The following NFIX variants were observed in gnomAD, a reference collection of about 807,000 sequenced individuals.
The protein encoded by NFIX is nuclear factor I X.
Under a neutral mutation model 53.3 loss-of-function variants are expected in NFIX, and 2 were observed. That is an observed-to-expected ratio of 0.04 (90% CI 0.02 to 0.12). The LOEUF is 0.12. Ranked by LOEUF, NFIX falls within the 10% of genes least tolerant of loss-of-function variation. The pLI is 1.00. For synonymous variants in NFIX, 244 were observed against 289.0 expected, an observed-to-expected ratio of 0.84 and a Z score of 1.58; for missense variants, 310 against 674.5, an observed-to-expected ratio of 0.46 and a Z score of 5.99.
In NFIX at chr19:13,072,728, C is replaced by T. The variant is rs892434320; in HGVS notation, c.560-319C>T. On this transcript the variant is annotated intron_variant, in intron 2 of 10. Coordinates refer to ENST00000592199, the MANE Select transcript of NFIX (RefSeq NM_001365902.3). The surrounding 1 kb of genome is among the most constrained non-coding windows in gnomAD (Gnocchi z 4.0). ...TTGGGTTGTCACAACTGGGGTGCTA[C>T]TGTCATCTAGTGGGTGGAGGCCAGG... Among the ~76,000 whole-genome samples, 4 of 152,240 alleles carry T rather than the reference C, an allele frequency of 2.6e-5. No individual in the cohort carries two copies. Among genetic ancestry groups the T allele is most frequent in the Non-Finnish European group, 5.9e-5 (4 of 68,038 alleles).
chr19:13,063,808 G>C (rs2016239483), intron 2 of NFIX, among the ~76,000 whole-genome samples: 1 of 152,124 alleles, frequency 6.6e-6, no homozygotes, highest in Non-Finnish European at 1.5e-5. Context: ...TCTCATACCA[G>C]GTTGGCATTA....
At chr19:13,085,294 G>A (rs376167584) in intron 8 of NFIX, among the ~76,000 whole-genome samples, 2 of 152,156 alleles carry the variant, frequency 1.3e-5, no homozygotes, top group Non-Finnish European at 2.9e-5. Flanking sequence ...CATATCAGGC[G>A]GGGATTAGCA....
Position 13,088,600 on chromosome 19 carries a change from C to G in NFIX, c.1402+464C>G, listed in dbSNP as rs2145506625. On this transcript the variant is annotated intron_variant, in intron 9 of 10. Coordinates refer to ENST00000592199, the MANE Select transcript of NFIX (RefSeq NM_001365902.3). The surrounding 1 kb of genome is among the most constrained non-coding windows in gnomAD (Gnocchi z 5.9). ...CACAAGGCGACGCCACCACCATCCC[C>G]TTTTTGCCTTGCCCCTCACCTCCAT... is the stretch of plus-strand genomic sequence containing the variant. Among the ~76,000 whole-genome samples the G allele has an allele frequency of 6.6e-6, 1 of 152,208 alleles. No homozygotes were observed. The highest frequency in any genetic ancestry group is 1.9e-4 in the East Asian group (1 of 5,184).
At chr19:13,000,774 C>T (rs747392342) in intron 1 of NFIX, among the ~76,000 whole-genome samples, 33 of 152,204 alleles carry the variant, frequency 2.2e-4, no homozygotes, top group Non-Finnish European at 1.5e-4. Context: ...CACCTGGACC[C>T]GCCATGGAGA....
At position 13,078,091 on chromosome 19, in the gene NFIX, C is replaced by T. The variant is rs2017218971; in HGVS notation, c.956-522C>T. ...CTGCTCTCTCGCTGGGCATTGTGTC[C>T]CTCCTGAGGGCTCATGGCTGTGTGC... On this transcript the variant is annotated intron_variant, in intron 6 of 10. Transcript: ENST00000592199. This position sits in a 1 kb window ranked among gnomAD's most constrained non-coding sequence, Gnocchi z 4.7. Among the ~76,000 whole-genome samples, 1 of 152,174 alleles carries T rather than the reference C, an allele frequency of 6.6e-6. No homozygotes were observed.
At position 13,049,659 on chromosome 19, in the gene NFIX, T is replaced by G. The variant is rs1350397756; in HGVS notation, c.560-23388T>G. The stretch of plus-strand genomic sequence containing the variant: ...CCCAGGCTGGAGTGCAGTGGCGCGA[T>G]CTCTGCTCACTGCAACCTCTGCCTC... On this transcript the variant is annotated intron_variant, in intron 2 of 10. Transcript: ENST00000592199. This position sits in a 1 kb window ranked among gnomAD's most constrained non-coding sequence, Gnocchi z 4.5. 6.6e-6 allele frequency among the ~76,000 whole-genome samples: 1 copy of G among 151,426 alleles called. No individual in the cohort carries two copies. The highest frequency in any genetic ancestry group is 1.5e-5 in the Non-Finnish European group (1 of 67,912).
Position 13,090,526 on chromosome 19 carries a change from C to T in NFIX, c.1494+136C>T. The stretch of plus-strand genomic sequence containing the variant: ...AGAGGTCTGAGGTGGGGCTGGAGGG[C>T]CCAGGCTTTTGCACGCCCAGCTGAG... On this transcript the variant is annotated intron_variant, in intron 10 of 10. Coordinates refer to ENST00000592199, the MANE Select transcript of NFIX (RefSeq NM_001365902.3). This position sits in a 1 kb window ranked among gnomAD's most constrained non-coding sequence, Gnocchi z 6.6. 2 of 860,776 alleles carry T rather than the reference C, an allele frequency of 2.3e-6. No individual in the cohort carries two copies. The highest frequency in any genetic ancestry group is 3.8e-6 in the Non-Finnish European group (2 of 525,976). 53.3% of individuals were successfully genotyped at this position (860,776 alleles called of 1,614,324 possible).
rs1355769394 is a variant in NFIX, at chr19:13,021,616, G to T, written c.28-3405G>T. On this transcript the variant is annotated intron_variant, in intron 1 of 10. Transcript: ENST00000592199. This position sits in a 1 kb window ranked among gnomAD's most constrained non-coding sequence, Gnocchi z 4.2. ...AGGGATGGGGTTCTGAGTGGAATTG[G>T]ATCCCTTTCTCCCTGTCTGCAGCCA... Among the ~76,000 whole-genome samples the T allele has an allele frequency of 1.3e-5, 2 of 152,178 alleles. No homozygotes were observed. The highest frequency in any genetic ancestry group is 1.3e-4 in the Admixed American group (2 of 15,286).
rs1432657737 is a variant in NFIX at position 13,009,203 on chromosome 19, A to G, written c.27+13339A>G. Among the ~76,000 whole-genome samples the G allele has an allele frequency of 6.6e-6, 1 of 152,048 alleles. No homozygotes were observed. The highest frequency in any genetic ancestry group is 1.5e-5 in the Non-Finnish European group (1 of 68,006). On this transcript the variant is annotated intron_variant, in intron 1 of 10. Coordinates refer to ENST00000592199, the MANE Select transcript of NFIX (RefSeq NM_001365902.3). The surrounding 1 kb of genome is among the most constrained non-coding windows in gnomAD (Gnocchi z 4.7). ...CACACAGCGGCACAGTCGCACACAC[A>G]GCCAGCCTCACGCGATCACACCAAG...
intron 1 of NFIX, among the ~76,000 whole-genome samples, chr19:13,017,781 C>G (rs2012747699): frequency 6.6e-6 from 1 of 152,254 alleles, no homozygotes; most frequent in African/African-American, 2.4e-5. Context: ...ACGCGCTGGT[C>G]TCTCTTTGCC....
At chr19:13,050,763 A>G (rs1289546325) in intron 2 of NFIX, among the ~76,000 whole-genome samples, 5 of 152,128 alleles carry the variant, frequency 3.3e-5, no homozygotes, top group Non-Finnish European at 7.4e-5. Context: ...AGAGCTCTAG[A>G]GTGATTCTGA....
chr19:13,049,317 T>C lies in NFIX; in HGVS notation c.560-23730T>C, dbSNP rs1324211668. Among the ~76,000 whole-genome samples the C allele has an allele frequency of 6.6e-6, 1 of 152,164 alleles. No homozygotes were observed. The highest frequency in any genetic ancestry group is 1.5e-5 in the Non-Finnish European group (1 of 68,030). On this transcript the variant is annotated intron_variant, in intron 2 of 10. Transcript: ENST00000592199. This position sits in a 1 kb window ranked among gnomAD's most constrained non-coding sequence, Gnocchi z 4.5. ...AAGCATAGGATTCAGTGCCATTTAG[T>C]ACCTTCACAATGTTGTGTAACCATC...
chr19:13,029,552 G>A (rs1043043778), intron 2 of NFIX, among the ~76,000 whole-genome samples: 74 of 152,160 alleles, frequency 4.9e-4, no homozygotes, highest in Non-Finnish European at 1.0e-4. Context: ...TGTTGTTGTC[G>A]TTGAAGGAAA....
At position 13,079,802 on chromosome 19, in the gene NFIX, C is replaced by A. The variant is rs1032470990; in HGVS notation, c.1078+1067C>A. ...CTCAGCCCCCTAATGAAACCGAGAG[C>A]AAGAGCGAGCTGATTGGAAACAGAC... On this transcript the variant is annotated intron_variant, in intron 7 of 10. Transcript: ENST00000592199. Among the ~76,000 whole-genome samples the A allele has an allele frequency of 5.9e-5, 9 of 152,308 alleles. No homozygotes were observed. In the South Asian group the frequency reaches 1.9e-3, roughly 32 times the overall value.
chr19:13,077,183 C>G (rs937708100), intron 6 of NFIX, among the ~76,000 whole-genome samples: 1 of 152,122 alleles, frequency 6.6e-6, no homozygotes, highest in African/African-American at 2.4e-5. Context: ...GCAAGGGCTC[C>G]TGGGCTCCTG....
In NFIX at chr19:13,002,002, G is replaced by A. The variant is rs2011731487; in HGVS notation, c.27+6138G>A. On this transcript the variant is annotated intron_variant, in intron 1 of 10. Coordinates refer to ENST00000592199, the MANE Select transcript of NFIX (RefSeq NM_001365902.3). The surrounding 1 kb of genome is among the most constrained non-coding windows in gnomAD (Gnocchi z 6.1). Reference sequence around the variant, plus strand: ...TCCCTCTGTCTGCCCGGCGCACATTGATCTTGGCTTCTGCCTGTGTCCGTT... The same window carrying A: ...TCCCTCTGTCTGCCCGGCGCACATTAATCTTGGCTTCTGCCTGTGTCCGTT... 6.6e-6 allele frequency among the ~76,000 whole-genome samples: 1 copy of A among 152,182 alleles called. No homozygotes were observed. Among genetic ancestry groups the A allele is most frequent in the Non-Finnish European group, 1.5e-5 (1 of 68,018 alleles).
At chr19:13,024,942 T>G (rs2145190440) in intron 1 of NFIX, 79 bp from the exon 2 acceptor site, 2 of 1,531,476 alleles carry the variant, frequency 1.3e-6, no homozygotes, top group African/African-American at 2.7e-5. Context: ...GCTTTTCTCC[T>G]TCTCTCTTTC....
At chr19:13,039,505 T>G (rs56887478) in intron 2 of NFIX, among the ~76,000 whole-genome samples, 5,377 of 152,196 alleles carry the variant, frequency 0.035, 326 homozygotes, top group African/African-American at 0.12. Context: ...TGCCTGTGAA[T>G]GGGGCAGAAG....
chr19:13,092,884 G>C (rs2018228651), intron 10 of NFIX, among the ~76,000 whole-genome samples: 1 of 152,254 alleles, frequency 6.6e-6, no homozygotes, highest in African/African-American at 2.4e-5. Context: ...CCTCTGTTTG[G>C]CCTGTAGTCA....
Sources: allele counts gnomAD v4.1 joint callset (sites outside exome capture counted in the v4.1 genomes callset), GRCh38; gene constraint gnomAD v4.1.1; non-coding constraint Gnocchi (gnomAD v3.1); transcripts MANE v1.5; gene names NCBI Gene and HGNC (gene_info 2026-07-23, HGNC 2026-07-21).